Variants in DNAAF4 observed in about 807,000 individuals in gnomAD.
The protein encoded by DNAAF4 is dynein axonemal assembly factor 4.
In DNAAF4, 43 loss-of-function variants were observed where a neutral mutation model predicts 51.8. The ratio of observed to expected loss-of-function variants is 0.83; its 90% CI spans 0.65 to 1.07. The LOEUF is 1.07. DNAAF4 is among the 50% of genes least tolerant of loss of function. The pLI is 0.00. For synonymous variants in DNAAF4, 194 were observed against 165.6 expected, an observed-to-expected ratio of 1.17 and a Z score of -1.32; for missense variants, 581 against 493.0, an observed-to-expected ratio of 1.18 and a Z score of -1.69.
At chr15:55,491,386 T>C (rs1595952573) in intron 3 of DNAAF4, 130 bp from the exon 4 acceptor site, 2 of 915,506 alleles carry the variant, frequency 2.2e-6, no homozygotes, top group East Asian at 5.3e-5. Context: ...ATGGAAAATA[T>C]TTTTCAATAT....
Position 55,465,122 on chromosome 15 carries a change from G to A in DNAAF4, c.637+1808C>T, listed in dbSNP as rs553533635. ...AAATAACAGATGTTGGTGTAGATGT[G>A]GTGAAAAGGGACACTTTTACACTGC... On this transcript the variant is annotated intron_variant, in intron 5 of 9. Coordinates refer to ENST00000321149, the MANE Select transcript of DNAAF4 (RefSeq NM_130810.4). 1.4e-4 allele frequency among the ~76,000 whole-genome samples: 20 copies of A among 144,690 alleles called. 1 individual carries two copies. The South Asian group carries it at 4.5e-3, about 32-fold the overall frequency. The allele number at this position is 144,690 out of a possible 152,430, so 94.9% of individuals were successfully genotyped here. A position where few individuals can be genotyped will look rare whatever the true frequency, so the allele number is the denominator to read the frequency against.
At chr15:55,445,289 T>G (rs1053926573) in intron 6 of DNAAF4, among the ~76,000 whole-genome samples, 5 of 151,982 alleles carry the variant, frequency 3.3e-5, no homozygotes, top group Non-Finnish European at 2.9e-5. Context: ...AAAGCACATC[T>G]TGCACCGCCC....
At chr15:55,491,336 C>G in intron 3 of DNAAF4, 80 bp from the exon 4 acceptor site, 1 of 1,402,070 alleles carries the variant, frequency 7.1e-7, no homozygotes, top group Non-Finnish European at 9.6e-7. Context: ...AATAAACTGA[C>G]CCAGGATGAG....
intron 5 of DNAAF4, among the ~76,000 whole-genome samples, chr15:55,453,418 G>A (rs2141469236): frequency 6.6e-6 from 1 of 151,590 alleles, no homozygotes; most frequent in South Asian, 2.1e-4. Context: ...CTTTGAAATA[G>A]CACAACAATC....
chr15:55,427,186 C>T (rs1451814417), downstream of DNAAF4, among the ~76,000 whole-genome samples: 2 of 151,946 alleles, frequency 1.3e-5, no homozygotes, highest in African/African-American at 4.8e-5. Flanking sequence ...CTGCCTCAGC[C>T]TCCCGAGTGG....
intron 7 of DNAAF4, among the ~76,000 whole-genome samples, chr15:55,422,431 A>C (rs546508331): frequency 6.6e-6 from 1 of 152,314 alleles, no homozygotes; most frequent in Non-Finnish European, 1.5e-5. Context: ...AAGACTACAA[A>C]GTGTAGGTAG....
chr15:55,448,598 A>T (rs2141455624), intron 6 of DNAAF4, among the ~76,000 whole-genome samples: 1 of 149,510 alleles, frequency 6.7e-6, no homozygotes, highest in Middle Eastern at 3.5e-3. Flanking sequence ...GGCCGGGCGC[A>T]GTGGCTCACA....
chr15:55,451,613 T>C (rs1280503850), intron 5 of DNAAF4, among the ~76,000 whole-genome samples: 1 of 105,156 alleles, frequency 9.5e-6, no homozygotes, highest in Non-Finnish European at 2.0e-5. Flanking sequence ...ATTTTGTGAA[T>C]AATATCTTTT....
At chr15:55,483,833 CTTTTTTTTTTTTTTTTTTT>C (rs71105887) in intron 4 of DNAAF4, among the ~76,000 whole-genome samples, 290 of 82,488 alleles carry the variant, frequency 3.5e-3, no homozygotes, top group African/African-American at 6.5e-3. Flanking sequence ...GCCAATAAAG[CTTTTTTTTTTTTTTTTTTT>C]TTTTTTTTTT....
At chr15:55,442,970 C>G in intron 6 of DNAAF4, 1 of 1,610,632 alleles carries the variant, frequency 6.2e-7, no homozygotes, top group Non-Finnish European at 8.5e-7. Context: ...TTCTCAACGT[C>G]ATTGTAGAAC....
intron 1 of DNAAF4, among the ~76,000 whole-genome samples, chr15:55,501,382 T>TC (rs2058697512): frequency 2.9e-5 from 4 of 137,028 alleles, no homozygotes; most frequent in African/African-American, 1.1e-4. Context: ...CTTTCTTTTT[T>TC]TTTTTTTTTT....
intron 6 of DNAAF4, among the ~76,000 whole-genome samples, chr15:55,443,676 A>G (rs1044783779): frequency 2.2e-4 from 33 of 152,300 alleles, no homozygotes; most frequent in African/African-American, 7.5e-4. Context: ...GTGTAAAAGT[A>G]TTCCTATTTC....
intron 5 of DNAAF4, among the ~76,000 whole-genome samples, chr15:55,450,604 T>C (rs2057917041): frequency 6.6e-6 from 1 of 152,172 alleles, no homozygotes; most frequent in Non-Finnish European, 1.5e-5. Context: ...AAAACCACAG[T>C]GTTTAATTCA....
At chr15:55,500,053 TAAAA>T (rs1004028131) in intron 1 of DNAAF4, among the ~76,000 whole-genome samples, 2 of 149,054 alleles carry the variant, frequency 1.3e-5, no homozygotes, top group African/African-American at 4.9e-5. Flanking sequence ...TTTTTAACTT[TAAAA>T]AAAAAACAGA....
rs796551133 is a variant in DNAAF4, at chr15:55,489,037, T to C, written c.405+2086A>G. On this transcript the variant is annotated intron_variant, in intron 4 of 9. Coordinates refer to ENST00000321149, the MANE Select transcript of DNAAF4 (RefSeq NM_130810.4). The stretch of plus-strand genomic sequence containing the variant: ...CCAGGATGCAGAGCTTGCAGTGAGC[T>C]GAGATTGCGCCGCTGCACTCCAGCC... Among the ~76,000 whole-genome samples, 16 of 150,930 alleles carry C rather than the reference T, an allele frequency of 1.1e-4. 1 individual carries two copies. Among genetic ancestry groups the C allele is most frequent in the African/African-American group, 3.9e-4 (16 of 40,994 alleles).
At chr15:55,430,099 G>A (rs1348927363), downstream of DNAAF4, among the ~76,000 whole-genome samples, 2 of 152,140 alleles carry the variant, frequency 1.3e-5, no homozygotes, top group Non-Finnish European at 2.9e-5. Flanking sequence ...CAGGTGCACA[G>A]CCTATAAATG....
chr15:55,444,213 T>C (rs1262769786), intron 6 of DNAAF4, among the ~76,000 whole-genome samples: 6 of 152,246 alleles, frequency 3.9e-5, no homozygotes, highest in African/African-American at 1.2e-4. Context: ...CTTGAATTAA[T>C]TTTTGTATAA....
chr15:55,459,025 G>A (rs1046266046), intron 5 of DNAAF4, among the ~76,000 whole-genome samples: 10 of 148,196 alleles, frequency 6.7e-5, no homozygotes, highest in Non-Finnish European at 8.9e-5. Flanking sequence ...GCAGTGAGCC[G>A]AGATCACGCT....
chr15:55,454,781 T>C (rs966929572), intron 5 of DNAAF4, among the ~76,000 whole-genome samples: 1 of 152,118 alleles, frequency 6.6e-6, no homozygotes, highest in Non-Finnish European at 1.5e-5. Flanking sequence ...TATGATATTA[T>C]GAGATAAATA....
Sources: allele counts gnomAD v4.1 joint callset (sites outside exome capture counted in the v4.1 genomes callset), GRCh38; gene constraint gnomAD v4.1.1; transcripts MANE v1.5; gene names NCBI Gene and HGNC (gene_info 2026-07-23, HGNC 2026-07-21).